The following TNIK variants were observed in gnomAD, a reference collection of about 807,000 sequenced individuals.
TNIK encodes TRAF2 and NCK-interacting protein kinase.
In TNIK, 49 loss-of-function variants were observed where a neutral mutation model predicts 191.3. The ratio of observed to expected loss-of-function variants is 0.26; its 90% confidence interval spans 0.20 to 0.32. The LOEUF (loss-of-function observed/expected upper bound fraction) is 0.32. Among genes scored for constraint, TNIK ranks in the 10% least tolerant of loss-of-function variants. TNIK has a pLI of 1.00. For missense variants in TNIK, 1,155 were observed against 1,702.3 expected (o/e 0.68, Z 5.66); for synonymous variants, 594 against 600.9 (o/e 0.99, Z 0.17).
At chr3:171,132,974 A>G (rs777390315) in intron 15 of TNIK, among the ~76,000 whole-genome samples, 7 of 152,212 alleles carry the variant, frequency 4.6e-5, no homozygotes, top group Non-Finnish European at 1.0e-4. Flanking sequence ...GCCAGTAAGT[A>G]ACTTTTAAGT....
At chr3:171,398,088 C>T (rs571846983) in intron 1 of TNIK, among the ~76,000 whole-genome samples, 1 of 152,122 alleles carries the variant, frequency 6.6e-6, no homozygotes, top group Admixed American at 6.6e-5. Flanking sequence ...TTATGTTGGC[C>T]AAAACACAAT....
intron 18 of TNIK, among the ~76,000 whole-genome samples, chr3:171,116,022 G>T (rs1312193947): frequency 6.6e-6 from 1 of 152,250 alleles, no homozygotes; most frequent in African/African-American, 2.4e-5. Flanking sequence ...GCTAACCAGT[G>T]TGGGTGCTGA....
At chr3:171,106,772 G>C (rs535583164) in intron 21 of TNIK, 1 of 533,716 alleles carries the variant, frequency 1.9e-6, no homozygotes, top group South Asian at 1.4e-5. Flanking sequence ...CTAACTCCTT[G>C]TTCACAAATC....
At chr3:171,414,042 C>T (rs1010226917) in intron 1 of TNIK, among the ~76,000 whole-genome samples, 17 of 152,322 alleles carry the variant, frequency 1.1e-4, no homozygotes, top group Admixed American at 3.3e-4. Flanking sequence ...ATCTATCTAC[C>T]TATCCATCTA....
chr3:171,356,228 TAAG>T (rs1714043821), intron 2 of TNIK, among the ~76,000 whole-genome samples: 1 of 152,188 alleles, frequency 6.6e-6, no homozygotes. Context: ...GCTGATTTTT[TAAG>T]AAGTCTAGAA....
At chr3:171,300,352 A>G (rs1752750895) in intron 2 of TNIK, among the ~76,000 whole-genome samples, 1 of 152,224 alleles carries the variant, frequency 6.6e-6, no homozygotes, top group Non-Finnish European at 1.5e-5. Flanking sequence ...TTGCAAGTTT[A>G]CAGATATCCT....
intron 2 of TNIK, among the ~76,000 whole-genome samples, chr3:171,269,163 CTA>C (rs1338258592): frequency 1.3e-5 from 2 of 152,070 alleles, no homozygotes; most frequent in Non-Finnish European, 2.9e-5. Context: ...AAAAATCAAA[CTA>C]TAATTTTTCT....
Position 171,188,648 on chromosome 3 carries a change from A to G in TNIK, c.639+54T>C, listed in dbSNP as rs1307550539. On this transcript the variant is annotated intron_variant, in intron 7 of 32. Transcript: ENST00000436636. Reference sequence around the variant, plus strand: ...ATATAAGGGCATGTAAGACTTTATAAGACTCAGGATAAGATGGTAGGCATA... The same window carrying G: ...ATATAAGGGCATGTAAGACTTTATAGGACTCAGGATAAGATGGTAGGCATA... The G allele has an allele frequency of 3.8e-6, 6 of 1,598,536 alleles. No homozygotes were observed. In the Admixed American group the frequency reaches 8.5e-5, roughly 23 times the overall value.
intron 3 of TNIK, among the ~76,000 whole-genome samples, chr3:171,221,403 G>A (rs989060179): frequency 3.3e-5 from 5 of 152,124 alleles, no homozygotes; most frequent in African/African-American, 9.7e-5. Flanking sequence ...CTTGGCTAAC[G>A]AAGGTCTACT....
chr3:171,099,329 T>C (rs1723136509), intron 22 of TNIK, among the ~76,000 whole-genome samples: 1 of 152,028 alleles, frequency 6.6e-6, no homozygotes, highest in Non-Finnish European at 1.5e-5. Flanking sequence ...TTCTGTGTCT[T>C]TACTTCAACT....
intron 15 of TNIK, among the ~76,000 whole-genome samples, chr3:171,134,689 T>C (rs1729734674): frequency 6.6e-6 from 1 of 152,152 alleles, no homozygotes; most frequent in Admixed American, 6.5e-5. Context: ...AGAGAAGAGC[T>C]CAACAAGATT....
intron 10 of TNIK, 56 bp from the exon 11 acceptor site, chr3:171,161,392 C>G: frequency 6.6e-7 from 1 of 1,516,974 alleles, no homozygotes; most frequent in Non-Finnish European, 9.1e-7. Flanking sequence ...CTCAGTAAAG[C>G]CCAACCCCGT....
At chr3:171,293,050 T>C (rs1025727419) in intron 2 of TNIK, among the ~76,000 whole-genome samples, 1 of 152,200 alleles carries the variant, frequency 6.6e-6, no homozygotes, top group Admixed American at 6.5e-5. Flanking sequence ...CAAAACCTGT[T>C]TGCCTACTTT....
chr3:171,267,292 T>G (rs1255571902), intron 2 of TNIK, among the ~76,000 whole-genome samples: 1 of 152,184 alleles, frequency 6.6e-6, no homozygotes, highest in Non-Finnish European at 1.5e-5. Flanking sequence ...GGCTGCTCTC[T>G]TTACCTGGCT....
chr3:171,210,120 T>C (rs139066231), intron 4 of TNIK, among the ~76,000 whole-genome samples: 1 of 152,190 alleles, frequency 6.6e-6, no homozygotes, highest in East Asian at 1.9e-4. Flanking sequence ...AGCATTAATA[T>C]AACAACGACA....
At chr3:171,102,808 C>G (rs1030741955) in intron 21 of TNIK, among the ~76,000 whole-genome samples, 3 of 152,136 alleles carry the variant, frequency 2.0e-5, no homozygotes, top group African/African-American at 7.2e-5. Flanking sequence ...TTAGAGCAAC[C>G]TGGGTGATGA....
chr3:171,098,345 G>A (rs1407570024), intron 22 of TNIK, among the ~76,000 whole-genome samples: 2 of 151,794 alleles, frequency 1.3e-5, no homozygotes, highest in Non-Finnish European at 2.9e-5. Flanking sequence ...ATATAATTGG[G>A]GATATACATA....
rs934045312 is a variant in TNIK, at chr3:171,331,413, G to A, written c.123+38207C>T. On this transcript the variant is annotated intron_variant, in intron 2 of 32. Transcript: ENST00000436636. ...GTATTATTTTTAGCTTCCAGTTTTGGCGAGTTGATCAGTCAAAACAAAGTA... is the reference window on the plus strand; with the variant it reads ...GTATTATTTTTAGCTTCCAGTTTTGACGAGTTGATCAGTCAAAACAAAGTA... Among the ~76,000 whole-genome samples, 7 of 152,222 alleles carry A rather than the reference G, an allele frequency of 4.6e-5. 1 individual carries two copies. The South Asian group carries it at 1.5e-3, about 32-fold the overall frequency.
intron 2 of TNIK, among the ~76,000 whole-genome samples, chr3:171,355,118 CAGAT>C (rs1260586362): frequency 6.6e-6 from 1 of 152,158 alleles, no homozygotes; most frequent in African/African-American, 2.4e-5. Context: ...TTCTGAGCAA[CAGAT>C]AAACTGGAAC....
Sources: gnomAD v4.1 joint callset for allele counts (sites outside exome capture counted in the v4.1 genomes callset) on GRCh38, gnomAD v4.1.1 for gene constraint, MANE v1.5 for transcripts, NCBI Gene and HGNC (gene_info 2026-07-23, HGNC 2026-07-21) for gene names.